Variants in ATXN7 observed in about 807,000 individuals in gnomAD.
The protein encoded by ATXN7 is ataxin-7.
In ATXN7, 12 loss-of-function variants were observed where a neutral mutation model predicts 70.5. The observed-to-expected ratio is 0.17, with a 90% CI of 0.11 to 0.28. The LOEUF (loss-of-function observed/expected upper bound fraction) is 0.28, where lower values mean the gene tolerates loss of function less well. Among genes scored for constraint, ATXN7 ranks in the 10% least tolerant of loss-of-function variants. The probability of loss-of-function intolerance (pLI) is 1.00; values close to 1 mark genes in which losing one functional copy is unlikely to be tolerated. For missense variants in ATXN7, 1,256 were observed against 1,131.7 expected (o/e 1.11, Z -1.58); for synonymous variants, 498 against 448.7 (o/e 1.11, Z -1.39).
intron 1 of ATXN7, among the ~76,000 whole-genome samples, chr3:63,882,919 T>C (rs1702959954): frequency 6.6e-6 from 1 of 152,196 alleles, no homozygotes. Context: ...GAGCTCGTGG[T>C]GTGTGCCAGG....
intron 1 of ATXN7, among the ~76,000 whole-genome samples, chr3:63,880,417 G>A (rs1702876359): frequency 6.6e-6 from 1 of 152,214 alleles, no homozygotes; most frequent in African/African-American, 2.4e-5. Flanking sequence ...AGGAGTTGGT[G>A]TCAGAGTGAG....
intron 4 of ATXN7, among the ~76,000 whole-genome samples, chr3:63,921,632 G>A (rs1704515724): frequency 6.6e-6 from 1 of 152,120 alleles, no homozygotes; most frequent in African/African-American, 2.4e-5. Flanking sequence ...CAGAAAAGAG[G>A]TTCCATATGG....
intron 6 of ATXN7, among the ~76,000 whole-genome samples, chr3:63,981,846 T>A: frequency 6.6e-6 from 1 of 152,222 alleles, no homozygotes; most frequent in East Asian, 1.9e-4. Flanking sequence ...GCAAATAGTC[T>A]TTGTTTCTTT....
intron 1 of ATXN7, among the ~76,000 whole-genome samples, chr3:63,893,574 CT>C (rs1449429296): frequency 1.3e-5 from 2 of 152,132 alleles, no homozygotes; most frequent in Admixed American, 1.3e-4. Flanking sequence ...ATGGAGGCTC[CT>C]TTAAAAATAA....
intron 8 of ATXN7, among the ~76,000 whole-genome samples, chr3:63,985,711 ATCTG>A (rs1188477922): frequency 6.6e-6 from 1 of 152,010 alleles, no homozygotes; most frequent in Non-Finnish European, 1.5e-5. Flanking sequence ...TCACTTCTTC[ATCTG>A]TCTAATATCC....
rs568823671 is a variant in ATXN7 at position 63,987,495 on chromosome 3, A to T, written c.1096-564A>T. ...CTGTCCAGTGCTCCTTGGCTGTGGCAGTCTGTCTGCAGAATGCTTTGGGCC... is the reference window on the plus strand; with the variant it reads ...CTGTCCAGTGCTCCTTGGCTGTGGCTGTCTGTCTGCAGAATGCTTTGGGCC... On this transcript the variant is annotated intron_variant, in intron 8 of 12. Coordinates refer to ENST00000674280, the MANE Select transcript of ATXN7 (RefSeq NM_001377405.1). Among the ~76,000 whole-genome samples the T allele has an allele frequency of 1.9e-4, 29 of 152,296 alleles. 1 individual carries two copies. In the South Asian group the frequency reaches 5.6e-3, roughly 29 times the overall value.
chr3:63,966,967 T>C (rs1399956555), intron 5 of ATXN7, among the ~76,000 whole-genome samples: 1 of 152,234 alleles, frequency 6.6e-6, no homozygotes, highest in African/African-American at 2.4e-5. Flanking sequence ...TGTTGTTGTT[T>C]TGTTTTTATT....
At position 63,930,428 on chromosome 3, in the gene ATXN7, G is replaced by T. The variant is rs1381091491; in HGVS notation, c.394+17203G>T. Among the ~76,000 whole-genome samples, 3 of 152,200 alleles carry T rather than the reference G, an allele frequency of 2.0e-5. No individual in the cohort carries two copies. In the East Asian group the frequency reaches 5.8e-4, roughly 29 times the overall value. ...AGCCCCTCCACAGCTTTCCCTGGAA[G>T]GCCTTGGCCATGATTCTGTCTATAT... On this transcript the variant is annotated intron_variant, in intron 4 of 12. Transcript: ENST00000674280.
intron 4 of ATXN7, among the ~76,000 whole-genome samples, chr3:63,942,242 G>A (rs2074781189): frequency 6.6e-6 from 1 of 152,172 alleles, no homozygotes; most frequent in South Asian, 2.1e-4. Context: ...AGATGGTAAA[G>A]AGCATGTACT....
At chr3:63,920,877 A>G in intron 4 of ATXN7, among the ~76,000 whole-genome samples, 1 of 151,994 alleles carries the variant, frequency 6.6e-6, no homozygotes, top group East Asian at 1.9e-4. Context: ...ATTGCTTTTA[A>G]TCACATTGTT....
intron 5 of ATXN7, among the ~76,000 whole-genome samples, chr3:63,979,515 G>A (rs1386619030): frequency 6.6e-6 from 1 of 152,224 alleles, no homozygotes; most frequent in Admixed American, 6.5e-5. Flanking sequence ...TAGAAAGGAA[G>A]AAAGAATTGC....
chr3:63,905,885 T>C (rs1342492196), intron 2 of ATXN7: 1 of 152,220 alleles, frequency 6.6e-6, no homozygotes, highest in Non-Finnish European at 1.5e-5. Flanking sequence ...AATAAATATT[T>C]GTCTTGAGCC....
rs577878856 is a variant in ATXN7, at chr3:63,878,811, A to G, written c.-111+14653A>G. On this transcript the variant is annotated intron_variant, in intron 1 of 12. Coordinates refer to ENST00000674280, the MANE Select transcript of ATXN7 (RefSeq NM_001377405.1). Reference sequence around the variant, plus strand: ...CTGTTAAGACAGGAGCTATAGTACTAGAGGCATTCAGCCACTGCCAGAAAA... The same window carrying G: ...CTGTTAAGACAGGAGCTATAGTACTGGAGGCATTCAGCCACTGCCAGAAAA... Among the ~76,000 whole-genome samples the G allele has an allele frequency of 5.3e-5, 8 of 152,332 alleles. No individual in the cohort carries two copies. In the South Asian group the frequency reaches 1.2e-3, roughly 24 times the overall value.
At chr3:63,940,907 G>C (rs1447632301) in intron 4 of ATXN7, among the ~76,000 whole-genome samples, 2 of 152,170 alleles carry the variant, frequency 1.3e-5, no homozygotes, top group Non-Finnish European at 2.9e-5. Flanking sequence ...TTGAAAGCTT[G>C]TTTTCTGACT....
At chr3:63,997,997 T>A (rs962318810) in intron 12 of ATXN7, 4 of 985,398 alleles carry the variant, frequency 4.1e-6, no homozygotes, top group Non-Finnish European at 4.8e-6. Context: ...CATTACAGTT[T>A]ATAAGCATAA....
intron 4 of ATXN7, among the ~76,000 whole-genome samples, chr3:63,932,816 C>G (rs1231232814): frequency 6.6e-6 from 1 of 152,152 alleles, no homozygotes; most frequent in Non-Finnish European, 1.5e-5. Flanking sequence ...GGCCTCTGGT[C>G]CAGTTTTATG....
intron 5 of ATXN7, among the ~76,000 whole-genome samples, chr3:63,956,892 A>C (rs934268153): frequency 2.0e-5 from 3 of 152,180 alleles, no homozygotes; most frequent in Non-Finnish European, 2.9e-5. Context: ...CAGCGTTGAG[A>C]TGGTGACGTT....
intron 4 of ATXN7, among the ~76,000 whole-genome samples, chr3:63,945,090 C>T (rs1179607952): frequency 6.6e-6 from 1 of 152,208 alleles, no homozygotes; most frequent in Non-Finnish European, 1.5e-5. Flanking sequence ...CCGCACCCAA[C>T]CTGTGTTTTT....
At chr3:63,958,563 T>G (rs375014903) in intron 5 of ATXN7, among the ~76,000 whole-genome samples, 13 of 152,330 alleles carry the variant, frequency 8.5e-5, no homozygotes, top group East Asian at 7.7e-4. Context: ...CCCTCCCCTT[T>G]TGCTCTCTGA....
Sources: allele counts gnomAD v4.1 joint callset (sites outside exome capture counted in the v4.1 genomes callset), GRCh38; gene constraint gnomAD v4.1.1; transcripts MANE v1.5; gene names NCBI Gene and HGNC (gene_info 2026-07-23, HGNC 2026-07-21).